The following WWOX variants were observed in gnomAD, a reference collection of about 807,000 sequenced individuals.
The protein encoded by WWOX is WW domain-containing oxidoreductase.
In WWOX, 69 loss-of-function variants were observed where a neutral mutation model predicts 46.2. That is an observed-to-expected ratio of 1.49 (90% CI 1.23 to 1.82). WWOX has a LOEUF of 1.82. Among genes scored for constraint, WWOX ranks in the 40% most tolerant of loss-of-function variants. The probability of loss-of-function intolerance (pLI) is 0.00; values close to 1 mark genes in which losing one functional copy is unlikely to be tolerated. For synonymous variants in WWOX, 359 were observed against 202.6 expected, an observed-to-expected ratio of 1.77 and a Z score of -6.56; for missense variants, 919 against 542.6, an observed-to-expected ratio of 1.69 and a Z score of -6.89.
intron 8 of WWOX, among the ~76,000 whole-genome samples, chr16:79,109,255 G>A (rs186298764): frequency 2.0e-5 from 3 of 152,206 alleles, no homozygotes; most frequent in African/African-American, 4.8e-5. Context: ...CATCTGGGCA[G>A]TGTGCACTGT....
In WWOX at chr16:78,278,684, G is replaced by A. The variant is rs2079623754; in HGVS notation, c.517-108176G>A. The A allele has an allele frequency of 3.1e-6, 5 of 1,589,336 alleles. No homozygotes were observed. The East Asian group carries it at 1.1e-4, about 36-fold the overall frequency. On this transcript the variant is annotated intron_variant, in intron 5 of 8. Coordinates refer to ENST00000566780, the MANE Select transcript of WWOX (RefSeq NM_016373.4). Reference sequence around the variant, plus strand: ...AAAGAAGGAAAAAATAAAAGATCTTGAATAGTCTCATCAATTACATCTTCT... The same window carrying A: ...AAAGAAGGAAAAAATAAAAGATCTTAAATAGTCTCATCAATTACATCTTCT...
intron 8 of WWOX, chr16:78,996,246 G>A (rs569717773): frequency 2.0e-6 from 2 of 985,050 alleles, no homozygotes; most frequent in Non-Finnish European, 1.2e-6. Flanking sequence ...CTTGAAAAGG[G>A]CAGAGCTGAG....
chr16:78,634,302 G>A (rs999153733), intron 8 of WWOX, among the ~76,000 whole-genome samples: 3 of 152,148 alleles, frequency 2.0e-5, no homozygotes, highest in African/African-American at 7.2e-5. Flanking sequence ...TCCAAGTGTG[G>A]AAATGATACG....
intron 8 of WWOX, among the ~76,000 whole-genome samples, chr16:79,199,107 A>G (rs2051296858): frequency 6.6e-6 from 1 of 152,044 alleles, no homozygotes; most frequent in African/African-American, 2.4e-5. Flanking sequence ...CTGTCACCCA[A>G]GCTGGAGTGC....
intron 8 of WWOX, among the ~76,000 whole-genome samples, chr16:78,659,332 C>T (rs1028413821): frequency 1.3e-5 from 2 of 151,978 alleles, no homozygotes; most frequent in Admixed American, 6.6e-5. Flanking sequence ...CTAACCATCG[C>T]GCCTGGGGTT....
chr16:78,628,228 C>T lies in WWOX; in HGVS notation c.1056+195476C>T, dbSNP rs564731859. Among the ~76,000 whole-genome samples, 14 of 152,250 alleles carry T rather than the reference C, an allele frequency of 9.2e-5. No individual in the cohort carries two copies. The South Asian group carries it at 2.3e-3, about 25-fold the overall frequency. On this transcript the variant is annotated intron_variant, in intron 8 of 8. Transcript: ENST00000566780. ...ATGCTACCTTGAGTGGACGGTTTGG[C>T]CAACTAAGGAGTAAGGCCTCTCCCT...
intron 8 of WWOX, among the ~76,000 whole-genome samples, chr16:78,596,016 A>G (rs1178086849): frequency 6.6e-6 from 1 of 152,186 alleles, no homozygotes; most frequent in African/African-American, 2.4e-5. Context: ...GAAAAATACT[A>G]AATGGTAGGA....
chr16:78,561,753 A>G (rs1016567163), intron 8 of WWOX, among the ~76,000 whole-genome samples: 1 of 152,206 alleles, frequency 6.6e-6, no homozygotes, highest in Non-Finnish European at 1.5e-5. Context: ...TTACAGGCAG[A>G]CACGGCTTCA....
At chr16:78,957,925 A>C (rs2046201006) in intron 8 of WWOX, among the ~76,000 whole-genome samples, 1 of 152,136 alleles carries the variant, frequency 6.6e-6, no homozygotes, top group Admixed American at 6.5e-5. Flanking sequence ...GCAACAACTC[A>C]ATTCACTGTC....
chr16:78,359,730 G>C (rs981530760), intron 5 of WWOX, among the ~76,000 whole-genome samples: 1 of 152,236 alleles, frequency 6.6e-6, no homozygotes, highest in African/African-American at 2.4e-5. Flanking sequence ...GAGACAACGT[G>C]ATGTGCATGA....
chr16:78,683,687 C>A (rs1449038902), intron 8 of WWOX, among the ~76,000 whole-genome samples: 2 of 152,174 alleles, frequency 1.3e-5, no homozygotes, highest in Admixed American at 6.5e-5. Context: ...CAGGCACGAG[C>A]TGCCACGCCT....
chr16:78,988,466 A>G (rs1294807296), intron 8 of WWOX, among the ~76,000 whole-genome samples: 2 of 152,098 alleles, frequency 1.3e-5, no homozygotes, highest in East Asian at 1.9e-4. Context: ...TGAAGGTGCC[A>G]GGATGGAGAA....
chr16:79,210,381 C>A (rs553412329), intron 8 of WWOX, among the ~76,000 whole-genome samples: 1 of 152,276 alleles, frequency 6.6e-6, no homozygotes, highest in East Asian at 1.9e-4. Flanking sequence ...CAAACCAGAC[C>A]ATTTGAGGGA....
intron 8 of WWOX, among the ~76,000 whole-genome samples, chr16:78,716,934 GC>G (rs2048577578): frequency 6.6e-6 from 1 of 152,104 alleles, no homozygotes; most frequent in Admixed American, 6.6e-5. Flanking sequence ...GGCATATCCT[GC>G]CCCCTTTCCC....
intron 8 of WWOX, among the ~76,000 whole-genome samples, chr16:78,453,270 A>G (rs921437278): frequency 6.6e-6 from 1 of 152,056 alleles, no homozygotes; most frequent in Admixed American, 6.6e-5. Flanking sequence ...CTAAAAGTAC[A>G]GAAATTAGTT....
At chr16:79,061,644 C>G (rs1567523112) in intron 8 of WWOX, among the ~76,000 whole-genome samples, 2 of 152,170 alleles carry the variant, frequency 1.3e-5, no homozygotes, top group South Asian at 4.1e-4. Flanking sequence ...AGTATTGGTT[C>G]AGGGGCAAAG....
At chr16:78,627,270 C>T (rs2046332041) in intron 8 of WWOX, among the ~76,000 whole-genome samples, 1 of 152,168 alleles carries the variant, frequency 6.6e-6, no homozygotes, top group Non-Finnish European at 1.5e-5. Context: ...GATAGCCCTC[C>T]AAACCTGATT....
intron 4 of WWOX, among the ~76,000 whole-genome samples, chr16:78,161,247 CT>C (rs1277192494): frequency 6.6e-6 from 1 of 151,932 alleles, no homozygotes; most frequent in Non-Finnish European, 1.5e-5. Context: ...CAAACTTTTT[CT>C]TTTAATTGCC....
chr16:78,973,184 C>T (rs2046505413), intron 8 of WWOX, among the ~76,000 whole-genome samples: 1 of 152,250 alleles, frequency 6.6e-6, no homozygotes, highest in Admixed American at 6.5e-5. Context: ...GGAGTGAAAT[C>T]CTAAGAAAGA....
Sources: gnomAD v4.1 joint callset for allele counts (sites outside exome capture counted in the v4.1 genomes callset) on GRCh38, gnomAD v4.1.1 for gene constraint, MANE v1.5 for transcripts, NCBI Gene and HGNC (gene_info 2026-07-23, HGNC 2026-07-21) for gene names.